DLGAP1: variants seen among roughly 807,000 people sequenced by gnomAD.
DLGAP1 encodes the protein disks large-associated protein 1.
DLGAP1 carries 11 observed loss-of-function variants against 90.8 expected under a neutral mutation model. The observed-to-expected ratio is 0.12, with a 90% CI of 0.08 to 0.20. DLGAP1 has a LOEUF of 0.20. Among genes scored for constraint, DLGAP1 ranks in the 10% least tolerant of loss-of-function variants. DLGAP1 has a pLI of 1.00. For missense variants in DLGAP1, 1,050 were observed against 1,333.8 expected, an observed-to-expected ratio of 0.79 and a Z score of 3.31; for synonymous variants, 558 against 540.7, an observed-to-expected ratio of 1.03 and a Z score of -0.44.
intron 4 of DLGAP1, among the ~76,000 whole-genome samples, chr18:3,839,607 C>T (rs764506142): frequency 3.9e-5 from 6 of 152,180 alleles, no homozygotes; most frequent in South Asian, 2.1e-4. Flanking sequence ...AGCTTCACTT[C>T]GGACCTAGGG....
intron 1 of DLGAP1, among the ~76,000 whole-genome samples, chr18:4,269,036 A>C (rs1466583286): frequency 6.6e-6 from 1 of 152,000 alleles, no homozygotes; most frequent in Non-Finnish European, 1.5e-5. Flanking sequence ...TGTCAGATTG[A>C]TGGATTATTA....
intron 5 of DLGAP1, among the ~76,000 whole-genome samples, chr18:3,772,208 T>TCTTC (rs1555662670): frequency 2.7e-5 from 4 of 147,120 alleles, no homozygotes; most frequent in African/African-American, 1.0e-4. Context: ...TCTTCTCTCC[T>TCTTC]TTTCTTTCTC....
At chr18:4,029,304 G>A (rs1402409390) in intron 2 of DLGAP1, among the ~76,000 whole-genome samples, 1 of 152,150 alleles carries the variant, frequency 6.6e-6, no homozygotes, top group Middle Eastern at 3.2e-3. Flanking sequence ...GAATAGTGCT[G>A]CAATAATCAT....
At chr18:4,008,251 TCACACA>T (rs1273035016) in intron 2 of DLGAP1, among the ~76,000 whole-genome samples, 288 of 137,406 alleles carry the variant, frequency 2.1e-3, no homozygotes, top group African/African-American at 7.5e-3. Context: ...ACACACACAC[TCACACA>T]CACATATACA....
chr18:4,193,933 A>G (rs931113244), intron 1 of DLGAP1, among the ~76,000 whole-genome samples: 4 of 152,168 alleles, frequency 2.6e-5, no homozygotes, highest in African/African-American at 9.7e-5. Flanking sequence ...AGATGAAGAA[A>G]TTAATTTTCA....
At chr18:3,527,414 T>G (rs993041176) in intron 10 of DLGAP1, among the ~76,000 whole-genome samples, 7 of 145,932 alleles carry the variant, frequency 4.8e-5, no homozygotes, top group African/African-American at 1.0e-4. Context: ...TCCAAACTTT[T>G]TTTTTTTTTT....
At chr18:3,846,687 C>T (rs960032030) in intron 4 of DLGAP1, among the ~76,000 whole-genome samples, 1 of 152,026 alleles carries the variant, frequency 6.6e-6, no homozygotes, top group African/African-American at 2.4e-5. Flanking sequence ...TTGAAAGAGG[C>T]CAGTCTCAAA....
rs1408253834 is a variant in DLGAP1 at position 3,787,783 on chromosome 18, G to A, written c.1172+26276C>T. Among the ~76,000 whole-genome samples the A allele has an allele frequency of 2.6e-5, 4 of 151,966 alleles. No homozygotes were observed. The South Asian group carries it at 6.2e-4, about 24-fold the overall frequency. On this transcript the variant is annotated intron_variant, in intron 5 of 12. Transcript: ENST00000315677. The stretch of plus-strand genomic sequence containing the variant: ...CCAAAATATGGCACTTTGATATGTC[G>A]AACTGAAGAAGGCTCTCAAGGTCTC...
At chr18:3,874,855 AGCACT>A in intron 4 of DLGAP1, 11 of 1,116,666 alleles carry the variant, frequency 9.9e-6, no homozygotes, top group African/African-American at 1.6e-5. Context: ...CTTGTGAGTG[AGCACT>A]TATCACTCAT....
intron 7 of DLGAP1, among the ~76,000 whole-genome samples, chr18:3,692,014 G>A (rs952954880): frequency 3.3e-5 from 5 of 152,174 alleles, no homozygotes; most frequent in African/African-American, 7.2e-5. Context: ...TTGAATCCAC[G>A]TAATGGTGGT....
chr18:3,664,864 C>T (rs1216761027), intron 7 of DLGAP1, among the ~76,000 whole-genome samples: 1 of 152,186 alleles, frequency 6.6e-6, no homozygotes, highest in Non-Finnish European at 1.5e-5. Context: ...GATAAAGACT[C>T]CCTTCTCACC....
intron 1 of DLGAP1, among the ~76,000 whole-genome samples, chr18:4,313,735 T>C (rs1220393208): frequency 6.6e-6 from 1 of 152,144 alleles, no homozygotes; most frequent in African/African-American, 2.4e-5. Context: ...TTGTAATACA[T>C]TGAAAAAGAA....
At chr18:3,964,798 G>T (rs1033118355) in intron 3 of DLGAP1, among the ~76,000 whole-genome samples, 1 of 152,164 alleles carries the variant, frequency 6.6e-6, no homozygotes, top group African/African-American at 2.4e-5. Context: ...TTAAGAGGTG[G>T]CACAAAAACA....
chr18:4,437,781 A>G (rs1458921187), intron 1 of DLGAP1, among the ~76,000 whole-genome samples: 1 of 144,914 alleles, frequency 6.9e-6, no homozygotes, highest in Non-Finnish European at 1.5e-5. Context: ...GCTTCTTATA[A>G]TCTCTGAATT....
At chr18:3,908,117 T>C (rs892095225) in intron 3 of DLGAP1, among the ~76,000 whole-genome samples, 2 of 152,232 alleles carry the variant, frequency 1.3e-5, no homozygotes, top group African/African-American at 4.8e-5. Flanking sequence ...GTTCCTGCTG[T>C]TATTTTTAAC....
chr18:3,989,951 TAG>T (rs1243430729), intron 3 of DLGAP1, among the ~76,000 whole-genome samples: 1 of 152,106 alleles, frequency 6.6e-6, no homozygotes, highest in Non-Finnish European at 1.5e-5. Flanking sequence ...TCACAACAGT[TAG>T]AATGGCGATC....
intron 7 of DLGAP1, among the ~76,000 whole-genome samples, chr18:3,672,539 T>C (rs2060128740): frequency 8.1e-6 from 1 of 124,054 alleles, no homozygotes; most frequent in Admixed American, 1.1e-4. Context: ...ATCTCGCCAT[T>C]GCACTCCAGC....
chr18:4,273,674 G>C (rs2079336938), intron 1 of DLGAP1, among the ~76,000 whole-genome samples: 1 of 152,166 alleles, frequency 6.6e-6, no homozygotes, highest in Non-Finnish European at 1.5e-5. Context: ...GGCTCAAGCA[G>C]TTCTCCCAAT....
chr18:3,634,309 G>A (rs190510951), intron 7 of DLGAP1, among the ~76,000 whole-genome samples: 2 of 152,058 alleles, frequency 1.3e-5, no homozygotes, highest in Non-Finnish European at 2.9e-5. Flanking sequence ...AATACATAAT[G>A]TTTTATTTAT....
Sources: gnomAD v4.1 joint callset for allele counts (sites outside exome capture counted in the v4.1 genomes callset) on GRCh38, gnomAD v4.1.1 for gene constraint, MANE v1.5 for transcripts, NCBI Gene and HGNC (gene_info 2026-07-23, HGNC 2026-07-21) for gene names.